The following MYO16 variants were observed in gnomAD, a reference collection of about 807,000 sequenced individuals.
MYO16 encodes the protein unconventional myosin-XVI.
A neutral mutation model predicts 205.3 loss-of-function variants in MYO16; 94 were observed. That is an observed-to-expected ratio of 0.46 (90% CI 0.39 to 0.54). The LOEUF is 0.54. MYO16 is among the 20% of genes least tolerant of loss of function. The probability of loss-of-function intolerance (pLI) is 0.00; values close to 1 mark genes in which losing one functional copy is unlikely to be tolerated. For missense variants in MYO16, 2,315 were observed against 2,387.5 expected (o/e 0.97, Z 0.63); for synonymous variants, 988 against 954.0 (o/e 1.04, Z -0.66).
chr13:108,720,394 A>G (rs1884116057), intron 3 of MYO16, among the ~76,000 whole-genome samples: 6 of 152,222 alleles, frequency 3.9e-5, no homozygotes, highest in Admixed American at 3.9e-4. Flanking sequence ...ATATAAATTT[A>G]TCTATTTTGT....
intron 17 of MYO16, 67 bp from the exon 18 acceptor site, chr13:108,961,472 A>T: frequency 1.6e-6 from 2 of 1,285,904 alleles, no homozygotes; most frequent in South Asian, 1.2e-5. Flanking sequence ...TTAGATATTT[A>T]AAAATTTTGC....
chr13:108,835,265 T>G (rs1876847902), intron 9 of MYO16, among the ~76,000 whole-genome samples: 2 of 152,174 alleles, frequency 1.3e-5, no homozygotes, highest in Non-Finnish European at 2.9e-5. Flanking sequence ...GAACGAGTTC[T>G]CACAAGATCT....
At chr13:108,830,438 G>T (rs1158203205) in intron 9 of MYO16, among the ~76,000 whole-genome samples, 1 of 151,510 alleles carries the variant, frequency 6.6e-6, no homozygotes. Flanking sequence ...CCATAAAAAA[G>T]GATGAGTTCA....
chr13:108,793,095 A>C (rs1341714377), intron 5 of MYO16, among the ~76,000 whole-genome samples: 1 of 152,102 alleles, frequency 6.6e-6, no homozygotes, highest in Non-Finnish European at 1.5e-5. Flanking sequence ...CATCCTGGCT[A>C]ACACCGTGAA....
intron 1 of MYO16, among the ~76,000 whole-genome samples, chr13:108,613,213 G>T (rs1022860150): frequency 6.6e-6 from 1 of 152,226 alleles, no homozygotes; most frequent in Non-Finnish European, 1.5e-5. Context: ...GAATATGGTA[G>T]GGCTCATTTG....
At chr13:108,663,833 C>G (rs1881608583) in intron 1 of MYO16, among the ~76,000 whole-genome samples, 1 of 151,818 alleles carries the variant, frequency 6.6e-6, no homozygotes, top group Admixed American at 6.6e-5. Flanking sequence ...ATTCTTTAGG[C>G]TTTTTTTTGT....
At chr13:108,757,921 T>A (rs1885475874) in intron 4 of MYO16, among the ~76,000 whole-genome samples, 1 of 152,216 alleles carries the variant, frequency 6.6e-6, no homozygotes, top group Non-Finnish European at 1.5e-5. Flanking sequence ...ATGGTCTGAA[T>A]GTTTGTGTCC....
Position 108,957,396 on chromosome 13 carries a change from A to AAC in MYO16, c.1926-291_1926-290insCA, listed in dbSNP as rs1555317165. On this transcript the variant is annotated intron_variant, in intron 16 of 34. Transcript: ENST00000457511. ...GAAACTCCATCTCAAAAAAAAAAAA[A>AAC]AAAAACAAAAACATGAATCACTTGT... Among the ~76,000 whole-genome samples, 440 of 151,064 alleles carry AAC rather than the reference A, an allele frequency of 2.9e-3. 4 individuals are homozygous for AAC. Among genetic ancestry groups the AAC allele is most frequent in the Middle Eastern group, 0.01 (3 of 294 alleles).
chr13:109,148,872 G>A lies in MYO16; in HGVS notation c.5164+7496G>A, dbSNP rs72656283. ...TAGAGGCGGATGATGGGTGGATGGA[G>A]CTCTCTAGGTGCAGAAGTCAGGGTA... On this transcript the variant is annotated intron_variant, in intron 32 of 34. Transcript: ENST00000457511. Among the ~76,000 whole-genome samples the A allele has an allele frequency of 5.1e-3, 772 of 152,322 alleles. 1 individual carries two copies. The highest frequency in any genetic ancestry group is 8.8e-3 in the Non-Finnish European group (598 of 68,028).
At chr13:108,589,621 G>T in the MYO16 span, among the ~76,000 whole-genome samples, 3 of 152,064 alleles carry the variant, frequency 2.0e-5, no homozygotes, top group East Asian at 5.8e-4. Context: ...TTACCTTTTC[G>T]AAAGTCTTGT....
intron 23 of MYO16, among the ~76,000 whole-genome samples, chr13:109,021,372 G>A (rs1034118393): frequency 2.6e-4 from 40 of 152,226 alleles, no homozygotes; most frequent in Admixed American, 1.8e-3. Flanking sequence ...CACAAGTAGC[G>A]TGTGCAAACC....
chr13:109,157,415 G>A (rs1878122243), intron 32 of MYO16, among the ~76,000 whole-genome samples: 1 of 152,110 alleles, frequency 6.6e-6, no homozygotes, highest in East Asian at 1.9e-4. Context: ...AGTGCAGTCA[G>A]CTCTGCCTCT....
At chr13:109,131,619 C>T (rs1287940299) in intron 31 of MYO16, among the ~76,000 whole-genome samples, 1 of 152,098 alleles carries the variant, frequency 6.6e-6, no homozygotes, top group African/African-American at 2.4e-5. Flanking sequence ...GCTGAGACAA[C>T]TTTTTAAAAG....
intron 1 of MYO16, among the ~76,000 whole-genome samples, chr13:108,609,847 C>T (rs1432389904): frequency 6.6e-6 from 1 of 151,946 alleles, no homozygotes; most frequent in Admixed American, 6.6e-5. Flanking sequence ...TGAGTAAAAG[C>T]CTCATGGAAT....
chr13:108,583,745 A>T, the MYO16 span, among the ~76,000 whole-genome samples: 15 of 152,186 alleles, frequency 9.9e-5, no homozygotes, highest in East Asian at 5.8e-4. Context: ...TGATTGTGGC[A>T]CAAGGTAGAA....
intron 12 of MYO16, among the ~76,000 whole-genome samples, chr13:108,871,322 T>TTGTGTGTGTGTGTGTGTG (rs58117690): frequency 1.5e-5 from 2 of 131,472 alleles, no homozygotes; most frequent in African/African-American, 5.5e-5. Flanking sequence ...CTATGTGACT[T>TTGTGTGTGTGTGTGTGTG]TGTGTGTGTG....
At chr13:108,798,703 T>TTTA (rs1886871913) in intron 6 of MYO16, among the ~76,000 whole-genome samples, 1 of 114,980 alleles carries the variant, frequency 8.7e-6, no homozygotes, top group African/African-American at 3.3e-5. Context: ...TTTTTTTTTT[T>TTTA]TTTTTTTTTT....
chr13:108,667,870 A>T (rs1006988383), intron 2 of MYO16, among the ~76,000 whole-genome samples: 29 of 151,948 alleles, frequency 1.9e-4, no homozygotes, highest in African/African-American at 6.8e-4. Flanking sequence ...ACATAGCAAG[A>T]CCCCATCTCT....
intron 21 of MYO16, among the ~76,000 whole-genome samples, chr13:108,994,264 G>C (rs1884931709): frequency 6.6e-6 from 1 of 151,514 alleles, no homozygotes; most frequent in African/African-American, 2.4e-5. Flanking sequence ...GCATTTATGG[G>C]TAAAAATCTC....
Sources: allele counts gnomAD v4.1 joint callset (sites outside exome capture counted in the v4.1 genomes callset), GRCh38; gene constraint gnomAD v4.1.1; transcripts MANE v1.5; gene names NCBI Gene and HGNC (gene_info 2026-07-23, HGNC 2026-07-21).